The following SMAD2 variants were observed in gnomAD, a reference collection of about 807,000 sequenced individuals.
SMAD2 encodes the protein SMAD family member 2.
In SMAD2, 8 loss-of-function variants were observed where a neutral mutation model predicts 64.4. That is an observed-to-expected ratio of 0.12 (90% CI 0.07 to 0.22). The LOEUF (loss-of-function observed/expected upper bound fraction) is 0.22, where lower values mean the gene tolerates loss of function less well. Among genes scored for constraint, SMAD2 ranks in the 10% least tolerant of loss-of-function variants. The pLI is 1.00. For missense variants in SMAD2, 289 were observed against 561.2 expected (o/e 0.51, Z 4.90); for synonymous variants, 203 against 195.8 (o/e 1.04, Z -0.31).
rs1912583500 is a variant in SMAD2 at position 47,821,754 on chromosome 18, TTTAAG to T, written c.*20068_*20072del. 1 of 152,172 alleles carries T rather than the reference TTTAAG, an allele frequency of 6.6e-6. No individual in the cohort carries two copies. Among genetic ancestry groups the T allele is most frequent in the African/African-American group, 2.4e-5 (1 of 41,436 alleles). The allele number at this position is 152,172 out of a possible 1,614,324, so 9.4% of individuals were successfully genotyped here. ...TGTTCTATCAAGATAAATTCTTGTG[TTTAAG>T]TTTTTTTTTTGCTTGGGAAAAATGA... On this transcript the variant is annotated 3_prime_UTR_variant, in exon 11 of 11. Coordinates refer to ENST00000262160, the MANE Select transcript of SMAD2 (RefSeq NM_005901.6).
At chr18:47,889,437 TA>T (rs999210542) in intron 2 of SMAD2, among the ~76,000 whole-genome samples, 191 of 144,554 alleles carry the variant, frequency 1.3e-3, no homozygotes, top group African/African-American at 3.5e-3. Flanking sequence ...GTAAATACTT[TA>T]AAAAAAAAAA....
Position 47,835,136 on chromosome 18 carries a change from C to T in SMAD2, c.*6691G>A. The T allele has an allele frequency of 4.5e-6, 1 of 221,204 alleles. No individual in the cohort carries two copies. The highest frequency in any genetic ancestry group is 9.0e-6 in the Non-Finnish European group (1 of 110,636). The allele number at this position is 221,204 out of a possible 1,614,324, so 13.7% of individuals were successfully genotyped here. ...TTTGTATAAAAGGTTAGTGTCACAG[C>T]TTCACTATCACTAATAAAAAGATAC... On this transcript the variant is annotated 3_prime_UTR_variant, in exon 11 of 11. Transcript: ENST00000262160.
At chr18:47,882,184 C>T (rs991102304) in intron 2 of SMAD2, among the ~76,000 whole-genome samples, 2 of 150,370 alleles carry the variant, frequency 1.3e-5, no homozygotes, top group Non-Finnish European at 1.5e-5. Context: ...TCGCATCTGA[C>T]CTGATTAATT....
intron 1 of SMAD2, among the ~76,000 whole-genome samples, chr18:47,907,346 A>G (rs1231002491): frequency 6.6e-6 from 1 of 152,208 alleles, no homozygotes; most frequent in East Asian, 1.9e-4. Flanking sequence ...ACAAATATGA[A>G]TGAGCTTATA....
intron 2 of SMAD2, among the ~76,000 whole-genome samples, chr18:47,883,495 T>C (rs1193812510): frequency 6.6e-6 from 1 of 152,216 alleles, no homozygotes; most frequent in Non-Finnish European, 1.5e-5. Context: ...ATCACGTAGG[T>C]AGTTAATAAT....
At chr18:47,894,686 C>A (rs1335011576) in intron 2 of SMAD2, among the ~76,000 whole-genome samples, 2 of 152,202 alleles carry the variant, frequency 1.3e-5, no homozygotes, top group Non-Finnish European at 2.9e-5. Flanking sequence ...AAGCATACTT[C>A]TTTTATAACA....
Position 47,837,126 on chromosome 18 carries a change from T to C in SMAD2, c.*4701A>G, listed in dbSNP as rs1454440037. 2.5e-5 allele frequency: 5 copies of C among 202,440 alleles called. No homozygotes were observed. Among genetic ancestry groups the C allele is most frequent in the Admixed American group, 6.0e-5 (1 of 16,658 alleles). 12.5% of individuals were successfully genotyped at this position (202,440 alleles called of 1,614,324 possible). ...CAAAGACATTTACTGAACAGAATTT[T>C]TGAGCCATTTGTAAAATTAAAATGA... On this transcript the variant is annotated 3_prime_UTR_variant, in exon 11 of 11. Coordinates refer to ENST00000262160, the MANE Select transcript of SMAD2 (RefSeq NM_005901.6).
chr18:47,845,465 G>A lies in SMAD2; in HGVS notation c.1155C>T (p.Phe385=), dbSNP rs1305792493. Residue 385 remains phenylalanine, a synonymous_variant, in exon 10 of 11, where the codon TTC becomes TTT. Coordinates refer to ENST00000262160, the MANE Select transcript of SMAD2 (RefSeq NM_005901.6). ...KIPPGCNLKI[F]NNQEFAALLA... ...GAAGAGCAGCAAATTCCTGGTTGTTGAAGATCTTCAGATTACAGCCTATGA... is the reference window on the plus strand; with the variant it reads ...GAAGAGCAGCAAATTCCTGGTTGTTAAAGATCTTCAGATTACAGCCTATGA... 2 of 1,613,562 alleles carry A rather than the reference G, an allele frequency of 1.2e-6. No individual in the cohort carries two copies. The highest frequency in any genetic ancestry group is 2.2e-5 in the South Asian group (2 of 91,070).
chr18:47,848,769 TC>T, intron 7 of SMAD2, 82 bp from the exon 8 acceptor site: 1 of 981,130 alleles, frequency 1.0e-6, no homozygotes. Flanking sequence ...AATATAATCA[TC>T]TTTACATGCT....
rs557899564 is a variant in SMAD2 at position 47,826,746 on chromosome 18, G to C, written c.*15081C>G. ...CCAATATGTTCTATGTGACATTTCT[G>C]AGTTTAACATCACATTTACAAACTT... On this transcript the variant is annotated 3_prime_UTR_variant, in exon 11 of 11. Transcript: ENST00000262160. The C allele has an allele frequency of 3.3e-5, 5 of 152,286 alleles. No homozygotes were observed. The South Asian group carries it at 1.0e-3, about 32-fold the overall frequency. The allele number at this position is 152,286 out of a possible 1,614,324, so 9.4% of individuals were successfully genotyped here.
chr18:47,859,582 T>G (rs942324220), intron 6 of SMAD2, among the ~76,000 whole-genome samples: 15 of 152,082 alleles, frequency 9.9e-5, no homozygotes, highest in African/African-American at 3.6e-4. Flanking sequence ...CAAGAAGAAT[T>G]AGAAAATAAG....
intron 6 of SMAD2, among the ~76,000 whole-genome samples, chr18:47,858,434 G>T (rs2144342553): frequency 6.6e-6 from 1 of 152,246 alleles, no homozygotes; most frequent in Non-Finnish European, 1.5e-5. Flanking sequence ...TGAAAGAAAT[G>T]TCTGTAGTAA....
intron 1 of SMAD2, among the ~76,000 whole-genome samples, chr18:47,917,196 C>T (rs924652865): frequency 6.6e-6 from 1 of 152,136 alleles, no homozygotes; most frequent in African/African-American, 2.4e-5. Flanking sequence ...TCCTTCATAA[C>T]CTTGTAGTTT....
At chr18:47,897,755 A>G (rs897755076) in intron 1 of SMAD2, among the ~76,000 whole-genome samples, 1 of 152,196 alleles carries the variant, frequency 6.6e-6, no homozygotes, top group South Asian at 2.1e-4. Context: ...TAAGTCCCAC[A>G]TAACTTTTAT....
In SMAD2 at chr18:47,828,049, G is replaced by T; in HGVS notation, c.*13778C>A. The stretch of plus-strand genomic sequence containing the variant: ...GAGATGTGGGGAGCGCCTCTGCCCC[G>T]CCGCCCCGTCTGGGATGTGAGGAGT... On this transcript the variant is annotated 3_prime_UTR_variant, in exon 11 of 11. Transcript: ENST00000262160. 2.3e-5 allele frequency: 4 copies of T among 173,092 alleles called. No individual in the cohort carries two copies. Among genetic ancestry groups the T allele is most frequent in the Non-Finnish European group, 4.9e-5 (4 of 81,982 alleles). The allele number at this position is 173,092 out of a possible 1,614,324, so 10.7% of individuals were successfully genotyped here. A position where few individuals can be genotyped will look rare whatever the true frequency, so the allele number is the denominator to read the frequency against.
intron 1 of SMAD2, among the ~76,000 whole-genome samples, chr18:47,906,457 C>A (rs142114883): frequency 6.6e-6 from 1 of 152,088 alleles, no homozygotes; most frequent in South Asian, 2.1e-4. Context: ...CACAGGAGCA[C>A]ATGAAGAGGT....
Position 47,841,824 on chromosome 18 carries a change from G to C in SMAD2, c.*3C>G, listed in dbSNP as rs2144275951. On this transcript the variant is annotated 3_prime_UTR_variant, in exon 11 of 11. Transcript: ENST00000262160. Reference sequence around the variant, plus strand: ...CTTTTCATGGGACTTGATTGGTGAAGCTTTATGACATGCTTGAGCAACGCA... The same window carrying C: ...CTTTTCATGGGACTTGATTGGTGAACCTTTATGACATGCTTGAGCAACGCA... 1 of 1,614,166 alleles carries C rather than the reference G, an allele frequency of 6.2e-7. No individual in the cohort carries two copies. The highest frequency in any genetic ancestry group is 8.5e-7 in the Non-Finnish European group (1 of 1,179,998).
chr18:47,890,927 T>C (rs939965754), intron 2 of SMAD2, among the ~76,000 whole-genome samples: 2 of 152,124 alleles, frequency 1.3e-5, no homozygotes, highest in African/African-American at 4.8e-5. Context: ...AGGTTAGAAA[T>C]AAAAGATGAC....
rs1054819575 is a variant in SMAD2 at position 47,820,365 on chromosome 18, C to T, written c.*21462G>A. 2.0e-5 allele frequency: 3 copies of T among 151,832 alleles called. No homozygotes were observed. The highest frequency in any genetic ancestry group is 6.6e-5 in the Admixed American group (1 of 15,252). The allele number at this position is 151,832 out of a possible 1,614,324, so 9.4% of individuals were successfully genotyped here. On this transcript the variant is annotated 3_prime_UTR_variant, in exon 11 of 11. Transcript: ENST00000262160. ...TACACAATTCCATATACAAAGTGTA[C>T]CCAAAAAAAGATGTTTTGATGAGAA...
Sources: gnomAD v4.1 joint callset for allele counts (sites outside exome capture counted in the v4.1 genomes callset) on GRCh38, gnomAD v4.1.1 for gene constraint, MANE v1.5 for transcripts, NCBI Gene and HGNC (gene_info 2026-07-23, HGNC 2026-07-21) for gene names.